The following PSEN1 variants were observed in gnomAD, a reference collection of about 807,000 sequenced individuals.
PSEN1 encodes presenilin 1.
PSEN1 carries 15 observed loss-of-function variants against 53.5 expected under a neutral mutation model. The observed-to-expected ratio is 0.28, with a 90% confidence interval of 0.19 to 0.43. The LOEUF (loss-of-function observed/expected upper bound fraction) is 0.43, where lower values mean the gene tolerates loss of function less well. Among genes scored for constraint, PSEN1 ranks in the 20% least tolerant of loss-of-function variants. The pLI, the probability that PSEN1 is intolerant of heterozygous loss-of-function variation, is 1.00. For synonymous variants in PSEN1, 208 were observed against 209.8 expected (o/e 0.99, Z 0.08); for missense variants, 387 against 571.2 (o/e 0.68, Z 3.29).
rs776191347 is a variant in PSEN1 at position 73,173,668 on chromosome 14, T to C, written c.441T>C (p.Thr147=). 1 of 1,613,966 alleles carries C rather than the reference T, an allele frequency of 6.2e-7. No homozygotes were observed. Among genetic ancestry groups the C allele is most frequent in the Non-Finnish European group, 8.5e-7 (1 of 1,179,818 alleles). Residue 147 remains threonine (T), a synonymous_variant, in exon 5 of 12, where the codon ACT becomes ACC. Transcript: ENST00000324501. ...AIMISVIVVM[T]ILLVVLYKYR... ...TGATCAGTGTCATTGTTGTCATGAC[T>C]ATCCTCCTGGTGGTTCTGTATAAAT... is the stretch of plus-strand genomic sequence containing the variant.
intron 8 of PSEN1, among the ~76,000 whole-genome samples, chr14:73,205,408 G>A (rs1899414405): frequency 6.7e-6 from 1 of 149,422 alleles, no homozygotes; most frequent in Non-Finnish European, 1.5e-5. Context: ...GAACCCAGGA[G>A]ACGGAGCTTG....
intron 8 of PSEN1, among the ~76,000 whole-genome samples, chr14:73,202,859 A>G (rs1899287616): frequency 6.6e-6 from 1 of 152,108 alleles, no homozygotes; most frequent in South Asian, 2.1e-4. Flanking sequence ...GATGATTTGC[A>G]TGTATTTTTT....
At chr14:73,184,683 G>C (rs1419025289) in intron 5 of PSEN1, among the ~76,000 whole-genome samples, 9 of 121,922 alleles carry the variant, frequency 7.4e-5, no homozygotes, top group Admixed American at 1.7e-4. Flanking sequence ...AGCGGCTGGC[G>C]GGGCGGGGGG....
Position 73,151,477 on chromosome 14 carries a change from TAAGAG to T in PSEN1, c.87+3376_87+3380del, listed in dbSNP as rs1362069845. On this transcript the variant is annotated intron_variant, in intron 3 of 11. Coordinates refer to ENST00000324501, the MANE Select transcript of PSEN1 (RefSeq NM_000021.4). ...CTGTATTACATCTATCTCAGAAAAA[TAAGAG>T]AAGAAAAGCATGGGTGATCTTGGTG... Among the ~76,000 whole-genome samples the T allele has an allele frequency of 2.6e-5, 4 of 152,224 alleles. No homozygotes were observed. The East Asian group carries it at 5.8e-4, about 22-fold the overall frequency.
intron 3 of PSEN1, among the ~76,000 whole-genome samples, chr14:73,150,158 A>G (rs1897176399): frequency 6.6e-6 from 1 of 152,212 alleles, no homozygotes; most frequent in Admixed American, 6.5e-5. Context: ...ACCCAGCTTT[A>G]TTAAACCTTA....
At chr14:73,214,104 T>C (rs1427117035) in intron 10 of PSEN1, among the ~76,000 whole-genome samples, 3 of 152,190 alleles carry the variant, frequency 2.0e-5, no homozygotes, top group African/African-American at 4.8e-5. Flanking sequence ...GATAAGTGGA[T>C]AATAAATGTG....
At chr14:73,145,129 A>C (rs1367177599) in intron 1 of PSEN1, among the ~76,000 whole-genome samples, 1 of 150,392 alleles carries the variant, frequency 6.6e-6, no homozygotes, top group African/African-American at 2.4e-5. Flanking sequence ...CTGGCCTCAA[A>C]TGATCTGTGT....
chr14:73,174,877 G>A (rs1047543661), intron 5 of PSEN1, among the ~76,000 whole-genome samples: 3 of 152,246 alleles, frequency 2.0e-5, no homozygotes, highest in African/African-American at 7.2e-5. Flanking sequence ...CCCCTAGCTC[G>A]CTCTTTTGCC....
At chr14:73,148,703 C>G (rs1233993011) in intron 3 of PSEN1, among the ~76,000 whole-genome samples, 1 of 152,128 alleles carries the variant, frequency 6.6e-6, no homozygotes, top group Non-Finnish European at 1.5e-5. Context: ...GAGGCTGAGG[C>G]GGGCAGATCA....
chr14:73,202,663 G>A (rs1195459193), intron 8 of PSEN1, among the ~76,000 whole-genome samples: 2 of 149,774 alleles, frequency 1.3e-5, no homozygotes, highest in South Asian at 2.1e-4. Context: ...TAGTAGAGAC[G>A]GGGTTTCACC....
chr14:73,142,078 AAAG>A (rs1470693773), intron 1 of PSEN1, among the ~76,000 whole-genome samples: 3 of 151,942 alleles, frequency 2.0e-5, no homozygotes, highest in Non-Finnish European at 2.9e-5. Flanking sequence ...AAAAAAAAAA[AAAG>A]AAAAGAAACT....
intron 10 of PSEN1, among the ~76,000 whole-genome samples, chr14:73,214,420 C>T (rs1899826276): frequency 6.6e-6 from 1 of 151,770 alleles, no homozygotes; most frequent in African/African-American, 2.4e-5. Flanking sequence ...GTCCCAGCTA[C>T]TCAGGAGGCT....
chr14:73,193,028 C>T lies in PSEN1; in HGVS notation c.769+164C>T, dbSNP rs182221012. 4.7e-4 allele frequency among the ~76,000 whole-genome samples: 71 copies of T among 152,092 alleles called. 3 individuals carry two copies. The East Asian group carries it at 0.011, about 23-fold the overall frequency. On this transcript the variant is annotated intron_variant, in intron 7 of 11. Transcript: ENST00000324501. ...TAGTAACTTTTTCATTTGAAGATTT[C>T]GGCTGGGCATGGTAGCTCATGCCTG...
At chr14:73,151,641 G>T (rs1469702143) in intron 3 of PSEN1, among the ~76,000 whole-genome samples, 1 of 151,450 alleles carries the variant, frequency 6.6e-6, no homozygotes, top group Non-Finnish European at 1.5e-5. Flanking sequence ...CTGCAACCTC[G>T]ACCTCCTTGA....
intron 3 of PSEN1, among the ~76,000 whole-genome samples, chr14:73,167,406 G>A (rs1897749476): frequency 6.6e-6 from 1 of 152,158 alleles, no homozygotes; most frequent in African/African-American, 2.4e-5. Context: ...CAACCTGTAA[G>A]TATAATGGAA....
chr14:73,138,196 T>C (rs1163303576), intron 1 of PSEN1: 1 of 12,310 alleles, frequency 8.1e-5, no homozygotes, highest in African/African-American at 1.6e-4. Flanking sequence ...ATACTATTAT[T>C]TATTTATTTA....
At chr14:73,183,614 G>A (rs1898300403) in intron 5 of PSEN1, among the ~76,000 whole-genome samples, 1 of 152,130 alleles carries the variant, frequency 6.6e-6, no homozygotes, top group African/African-American at 2.4e-5. Flanking sequence ...AGGGTTGGGG[G>A]TAAGGTCACA....
At chr14:73,210,812 C>T (rs1219423531) in intron 9 of PSEN1, among the ~76,000 whole-genome samples, 1 of 152,150 alleles carries the variant, frequency 6.6e-6, no homozygotes, top group Non-Finnish European at 1.5e-5. Context: ...TCTACTTCTG[C>T]TCTGAACATG....
intron 8 of PSEN1, among the ~76,000 whole-genome samples, chr14:73,205,954 C>T (rs991026247): frequency 7.2e-5 from 11 of 152,148 alleles, no homozygotes; most frequent in African/African-American, 2.7e-4. Flanking sequence ...ATTGAACATT[C>T]TAAAAATGAG....
Sources: allele counts gnomAD v4.1 joint callset (sites outside exome capture counted in the v4.1 genomes callset), GRCh38; gene constraint gnomAD v4.1.1; transcripts MANE v1.5; gene names NCBI Gene and HGNC (gene_info 2026-07-23, HGNC 2026-07-21).